FER: variants seen among roughly 807,000 people sequenced by gnomAD.
FER encodes the protein FER tyrosine kinase.
In FER, 63 loss-of-function variants were observed where a neutral mutation model predicts 111.0. The ratio of observed to expected loss-of-function variants is 0.57; its 90% confidence interval spans 0.46 to 0.70. The LOEUF is 0.70. Among genes scored for constraint, FER ranks in the 30% least tolerant of loss-of-function variants. FER has a pLI of 0.00. For missense variants in FER, 914 were observed against 954.0 expected, an observed-to-expected ratio of 0.96 and a Z score of 0.55; for synonymous variants, 327 against 313.9, an observed-to-expected ratio of 1.04 and a Z score of -0.44.
chr5:108,789,602 T>C (rs1218204093), intron 2 of FER, among the ~76,000 whole-genome samples: 1 of 150,448 alleles, frequency 6.6e-6, no homozygotes, highest in Non-Finnish European at 1.5e-5. Context: ...GAATTTTCTT[T>C]TTCTTCTTCT....
At chr5:108,866,091 T>C (rs1357773157) in intron 5 of FER, among the ~76,000 whole-genome samples, 1 of 152,180 alleles carries the variant, frequency 6.6e-6, no homozygotes, top group Non-Finnish European at 1.5e-5. Context: ...ACTGAGTATA[T>C]ACCAAAAATA....
intron 5 of FER, among the ~76,000 whole-genome samples, chr5:108,844,081 T>TGTGTGTGAAC (rs1761583445): frequency 6.9e-6 from 1 of 144,430 alleles, no homozygotes. Flanking sequence ...TGTGAACATA[T>TGTGTGTGAAC]ATGCGTGTGA....
At chr5:109,003,522 C>T (rs902475358) in intron 13 of FER, among the ~76,000 whole-genome samples, 2 of 151,892 alleles carry the variant, frequency 1.3e-5, no homozygotes, top group African/African-American at 2.4e-5. Context: ...TGCTAAATGA[C>T]GAGTTTATGA....
chr5:109,131,639 T>C (rs931393395), intron 17 of FER, among the ~76,000 whole-genome samples: 3 of 152,114 alleles, frequency 2.0e-5, no homozygotes, highest in African/African-American at 4.8e-5. Flanking sequence ...ATTTTTTGGG[T>C]GTGTGAGATA....
chr5:109,093,869 C>G (rs1747137165), intron 16 of FER, among the ~76,000 whole-genome samples: 1 of 151,860 alleles, frequency 6.6e-6, no homozygotes, highest in East Asian at 1.9e-4. Flanking sequence ...GAAGGGTATC[C>G]TGGGGGGTTT....
intron 5 of FER, among the ~76,000 whole-genome samples, chr5:108,860,914 GA>G (rs1204299857): frequency 6.6e-6 from 1 of 152,150 alleles, no homozygotes; most frequent in Non-Finnish European, 1.5e-5. Context: ...CAAGAGTAGG[GA>G]AAACTGCCTT....
At chr5:108,930,223 G>T (rs1187079222) in intron 10 of FER, among the ~76,000 whole-genome samples, 6 of 151,068 alleles carry the variant, frequency 4.0e-5, no homozygotes, top group Non-Finnish European at 5.9e-5. Flanking sequence ...TGTTGCCCAG[G>T]CTGGTCTCAA....
At chr5:109,039,179 G>A (rs997278066) in intron 14 of FER, among the ~76,000 whole-genome samples, 3 of 150,654 alleles carry the variant, frequency 2.0e-5, no homozygotes, top group Non-Finnish European at 4.4e-5. Flanking sequence ...TTGGAGTTAA[G>A]TTATAATATA....
At chr5:108,781,971 T>G (rs867846269) in intron 2 of FER, among the ~76,000 whole-genome samples, 3 of 152,126 alleles carry the variant, frequency 2.0e-5, no homozygotes, top group African/African-American at 7.2e-5. Context: ...CCATATTGAT[T>G]TACTGGAGGT....
At chr5:108,809,112 T>G (rs2150072087) in intron 3 of FER, among the ~76,000 whole-genome samples, 1 of 152,314 alleles carries the variant, frequency 6.6e-6, no homozygotes, top group South Asian at 2.1e-4. Context: ...TTACCTGGAT[T>G]TTTTTGTATG....
intron 5 of FER, among the ~76,000 whole-genome samples, chr5:108,864,662 G>A (rs1763854323): frequency 1.3e-5 from 2 of 152,118 alleles, no homozygotes; most frequent in Admixed American, 6.5e-5. Context: ...AAGATCAGAT[G>A]GTTGTAGATA....
At chr5:109,058,388 C>T (rs1273744015) in intron 16 of FER, among the ~76,000 whole-genome samples, 2 of 152,056 alleles carry the variant, frequency 1.3e-5, no homozygotes, top group Non-Finnish European at 2.9e-5. Context: ...TAAAAGGCAT[C>T]TTTTAATTGT....
chr5:109,016,250 G>A (rs1767099811), intron 13 of FER, among the ~76,000 whole-genome samples: 1 of 151,566 alleles, frequency 6.6e-6, no homozygotes, highest in African/African-American at 2.4e-5. Flanking sequence ...TGTTAATTTT[G>A]GACAACTTAA....
intron 16 of FER, among the ~76,000 whole-genome samples, chr5:109,076,413 C>T (rs534685431): frequency 6.6e-6 from 1 of 152,102 alleles, no homozygotes; most frequent in East Asian, 1.9e-4. Flanking sequence ...TTTTTTATAG[C>T]ATTCTGCTGT....
At chr5:109,180,069 C>G (rs2126851447) in intron 17 of FER, among the ~76,000 whole-genome samples, 1 of 152,214 alleles carries the variant, frequency 6.6e-6, no homozygotes, top group South Asian at 2.1e-4. Context: ...ACAAGCTTGC[C>G]TCATTTAGGG....
In FER at chr5:108,860,874, A is replaced by G. The variant is rs935325551; in HGVS notation, c.482-6893A>G. On this transcript the variant is annotated intron_variant, in intron 5 of 19. Coordinates refer to ENST00000281092, the MANE Select transcript of FER (RefSeq NM_005246.4). Reference sequence around the variant, plus strand: ...TCATGGTGGAAGAGGAAGAGGCATGACTTCATGGTGGCAGGTGAGAGAGAC... The same window carrying G: ...TCATGGTGGAAGAGGAAGAGGCATGGCTTCATGGTGGCAGGTGAGAGAGAC... Among the ~76,000 whole-genome samples, 85 of 152,332 alleles carry G rather than the reference A, an allele frequency of 5.6e-4. 1 individual carries two copies. The highest frequency in any genetic ancestry group is 2.0e-3 in the African/African-American group (83 of 41,582).
chr5:108,824,910 C>T (rs13174393), intron 3 of FER, among the ~76,000 whole-genome samples: 9,865 of 151,486 alleles, frequency 0.065, 352 homozygotes, highest in Middle Eastern at 0.078. Flanking sequence ...GTTGGGCATC[C>T]GGGGGAGACA....
chr5:108,754,171 G>C (rs1167911452), intron 1 of FER, among the ~76,000 whole-genome samples: 1 of 152,092 alleles, frequency 6.6e-6, no homozygotes, highest in Non-Finnish European at 1.5e-5. Context: ...AGTATTTTGG[G>C]AGGCTGAAAC....
chr5:108,806,357 G>T (rs996725781), intron 3 of FER, among the ~76,000 whole-genome samples: 8 of 152,226 alleles, frequency 5.3e-5, no homozygotes, highest in Admixed American at 2.6e-4. Flanking sequence ...GGGCAATGTG[G>T]AAGGGAAATG....
Sources: gnomAD v4.1 joint callset for allele counts (sites outside exome capture counted in the v4.1 genomes callset) on GRCh38, gnomAD v4.1.1 for gene constraint, MANE v1.5 for transcripts, NCBI Gene and HGNC (gene_info 2026-07-23, HGNC 2026-07-21) for gene names.